HS6ST2: variants seen among roughly 807,000 people sequenced by gnomAD.
HS6ST2 encodes the protein heparan-sulfate 6-O-sulfotransferase 2.
Under a neutral mutation model 33.0 loss-of-function variants are expected in HS6ST2, and 17 were observed. The ratio of observed to expected loss-of-function variants is 0.52; its 90% CI spans 0.35 to 0.77. HS6ST2 has a LOEUF of 0.77. Ranked by LOEUF, HS6ST2 falls within the 30% of genes least tolerant of loss-of-function variation. The pLI is 0.01. For missense variants in HS6ST2, 519 were observed against 551.7 expected, an observed-to-expected ratio of 0.94 and a Z score of 0.59; for synonymous variants, 248 against 237.1, an observed-to-expected ratio of 1.05 and a Z score of -0.42.
rs188385024 is a variant in HS6ST2 at position 132,770,021 on chromosome X, T to A, written c.948-61527A>T. On this transcript the variant is annotated intron_variant, in intron 2 of 4. Coordinates refer to ENST00000370833, the MANE Select transcript of HS6ST2 (RefSeq NM_001394073.1). ...AATTTGAGACTGTAGTAGCACTAAG[T>A]GTTTTGCATTTGTTACTTCATTGAA... Among the ~76,000 whole-genome samples the A allele has an allele frequency of 9.0e-4, 101 of 112,248 alleles. No homozygotes were observed. In the East Asian group the frequency reaches 0.011, roughly 12 times the overall value.
intron 2 of HS6ST2, among the ~76,000 whole-genome samples, chrX:132,905,526 G>A (rs1002034598): frequency 1.8e-5 from 2 of 112,349 alleles, no homozygotes; most frequent in Non-Finnish European, 3.8e-5. Context: ...TCTAAGAAAT[G>A]TCAAATTCCA....
chrX:132,715,609 AC>A (rs755197673), intron 2 of HS6ST2, among the ~76,000 whole-genome samples: 151 of 111,512 alleles, frequency 1.4e-3, no homozygotes, highest in African/African-American at 4.8e-3. Context: ...CAGAGACAAA[AC>A]CAAGTCCATT....
At chrX:132,764,105 T>C (rs1265360955) in intron 2 of HS6ST2, among the ~76,000 whole-genome samples, 1 of 112,308 alleles carries the variant, frequency 8.9e-6, no homozygotes, top group Non-Finnish European at 1.9e-5. Context: ...CATTTCAACA[T>C]TAGGAAAGAA....
intron 2 of HS6ST2, among the ~76,000 whole-genome samples, chrX:132,872,993 C>T (rs1173473833): frequency 9.0e-6 from 1 of 111,437 alleles, no homozygotes; most frequent in Non-Finnish European, 1.9e-5. Flanking sequence ...CCCAGCCATT[C>T]CCAACCCAGC....
intron 2 of HS6ST2, among the ~76,000 whole-genome samples, chrX:132,884,175 A>T (rs2066220475): frequency 9.0e-6 from 1 of 111,510 alleles, no homozygotes; most frequent in African/African-American, 3.3e-5. Flanking sequence ...TAGCATCAAT[A>T]AAAGTCTGAC....
intron 2 of HS6ST2, among the ~76,000 whole-genome samples, chrX:132,862,739 A>G (rs1206074535): frequency 8.9e-6 from 1 of 112,299 alleles, no homozygotes; most frequent in Non-Finnish European, 1.9e-5. Context: ...AGAAATGTTT[A>G]TTGGCCAGAC....
chrX:132,882,762 T>C (rs963132162), intron 2 of HS6ST2, among the ~76,000 whole-genome samples: 14 of 111,216 alleles, frequency 1.3e-4, no homozygotes, highest in African/African-American at 2.9e-4. Context: ...GGCTGTGGGA[T>C]TGTCATAAAT....
At chrX:132,911,044 G>A (rs931028131) in intron 2 of HS6ST2, among the ~76,000 whole-genome samples, 1 of 110,223 alleles carries the variant, frequency 9.1e-6, no homozygotes, top group South Asian at 4.0e-4. Context: ...CAGCTACCAG[G>A]GAGGCTGAGG....
chrX:132,630,164 A>G (rs1034050356), intron 4 of HS6ST2, among the ~76,000 whole-genome samples: 2 of 112,522 alleles, frequency 1.8e-5, no homozygotes, highest in African/African-American at 6.5e-5. Flanking sequence ...GTTACCACTC[A>G]GGTACAGAAG....
At chrX:132,939,267 C>T (rs1189649814) in intron 2 of HS6ST2, among the ~76,000 whole-genome samples, 6 of 111,008 alleles carry the variant, frequency 5.4e-5, no homozygotes, top group African/African-American at 1.3e-4. Flanking sequence ...TTGAGGGATA[C>T]TCTGAAAAAC....
At chrX:132,911,872 C>T (rs780542260) in intron 2 of HS6ST2, among the ~76,000 whole-genome samples, 376 of 111,354 alleles carry the variant, frequency 3.4e-3, no homozygotes, top group African/African-American at 0.012. Context: ...CTCCTGACCT[C>T]GTGATCTGCC....
At chrX:132,671,295 T>TAGGCAGTGAGGCAGTAGAG (rs746580400) in intron 3 of HS6ST2, among the ~76,000 whole-genome samples, 69 of 111,639 alleles carry the variant, frequency 6.2e-4, no homozygotes, top group African/African-American at 2.1e-3. Flanking sequence ...GCCCCTCACT[T>TAGGCAGTGAGGCAGTAGAG]AAGCAGTAGG....
intron 2 of HS6ST2, among the ~76,000 whole-genome samples, chrX:132,834,889 C>T (rs757214259): frequency 1.8e-5 from 2 of 111,875 alleles, no homozygotes; most frequent in African/African-American, 3.3e-5. Flanking sequence ...AGGTGGCTCT[C>T]GCTTTCTCCC....
At chrX:132,719,923 C>G (rs959313704) in intron 2 of HS6ST2, among the ~76,000 whole-genome samples, 10 of 112,467 alleles carry the variant, frequency 8.9e-5, no homozygotes, top group Non-Finnish European at 1.9e-4. Context: ...CCCACAGAAA[C>G]TGCTGTACCA....
chrX:132,960,041 G>T (rs1369613147), upstream of HS6ST2, among the ~76,000 whole-genome samples: 3 of 112,069 alleles, frequency 2.7e-5, no homozygotes, highest in Admixed American at 2.8e-4. Context: ...TGGATTTTTT[G>T]GGAATCCTGA....
At chrX:132,923,241 GCTT>G (rs2066674238) in intron 2 of HS6ST2, among the ~76,000 whole-genome samples, 1 of 110,906 alleles carries the variant, frequency 9.0e-6, no homozygotes, top group South Asian at 3.8e-4. Context: ...GATTGTAAAT[GCTT>G]CTTATCAGAC....
chrX:132,641,392 C>T (rs769398257), intron 4 of HS6ST2, among the ~76,000 whole-genome samples: 1 of 112,630 alleles, frequency 8.9e-6, no homozygotes, highest in East Asian at 2.8e-4. Flanking sequence ...AGTGATCTGC[C>T]CGCCTCGACC....
chrX:132,916,608 G>A (rs2066595117), intron 2 of HS6ST2, among the ~76,000 whole-genome samples: 2 of 112,107 alleles, frequency 1.8e-5, no homozygotes, highest in African/African-American at 3.2e-5. Flanking sequence ...GAACAAAGCA[G>A]GAAGAAGAAG....
intron 3 of HS6ST2, chrX:132,669,849 C>T (rs1251291586): frequency 1.8e-5 from 2 of 112,711 alleles, no homozygotes; most frequent in Non-Finnish European, 3.7e-5. Flanking sequence ...CCTGCTTAAT[C>T]TCATCAGGTT....
Sources: allele counts gnomAD v4.1 joint callset (sites outside exome capture counted in the v4.1 genomes callset), GRCh38; gene constraint gnomAD v4.1.1; transcripts MANE v1.5; gene names NCBI Gene and HGNC (gene_info 2026-07-23, HGNC 2026-07-21).